The following EXOC3L1 variants were observed in gnomAD, a reference collection of about 807,000 sequenced individuals.
EXOC3L1 encodes exocyst complex component 3-like protein.
Under a neutral mutation model 83.6 loss-of-function variants are expected in EXOC3L1, and 79 were observed. That is an observed-to-expected ratio of 0.95 (90% CI 0.79 to 1.14). EXOC3L1 has a LOEUF of 1.14. Ranked by LOEUF, EXOC3L1 falls within the 50% of genes most tolerant of loss-of-function variation. The pLI is 0.00. For synonymous variants in EXOC3L1, 433 were observed against 451.2 expected (o/e 0.96, Z 0.51); for missense variants, 945 against 972.0 (o/e 0.97, Z 0.37).
chr16:67,189,295 G>A, intron 2 of EXOC3L1, 115 bp from the exon 3 acceptor site: 1 of 1,175,550 alleles, frequency 8.5e-7, no homozygotes, highest in Non-Finnish European at 1.1e-6. Flanking sequence ...TTTGTTTATT[G>A]AGATGGAGTC....
In EXOC3L1 at chr16:67,188,853, C is replaced by T. The variant is rs762561812; in HGVS notation, c.295G>A (p.Ala99Thr). Residue 99 changes from alanine to threonine, a missense_variant, in exon 4 of 14, where the codon GCC becomes ACC. Coordinates refer to ENST00000314586, the MANE Select transcript of EXOC3L1 (RefSeq NM_178516.4). ...AIEVVQGTRE[A>T]LSQARGLLQG... The stretch of plus-strand genomic sequence containing the variant: ...AGCAACCCACGGGCCTGGCTCAGGG[C>T]CTCCCGGGTTCCCTGCACCACCTCA... The T allele has an allele frequency of 3.1e-6, 5 of 1,613,128 alleles. No individual in the cohort carries two copies. The highest frequency in any genetic ancestry group is 1.6e-4 in the Middle Eastern group (1 of 6,084).
chr16:67,188,081 TAA>T (rs2032780200), intron 4 of EXOC3L1, among the ~76,000 whole-genome samples: 1 of 151,962 alleles, frequency 6.6e-6, no homozygotes, highest in African/African-American at 2.4e-5. Context: ...CCATCTCTAC[TAA>T]AAATACAAAA....
rs766175324 is a variant in EXOC3L1 at position 67,185,448 on chromosome 16, C to G, written c.1539G>C (p.Gly513=). Residue 513 remains glycine, a synonymous_variant, in exon 10 of 14, where the codon GGG becomes GGC. Transcript: ENST00000314586. The part of the protein sequence containing the change: ...SVLQLDGAPS[G]ALAPVEAALD... Reference sequence around the variant, plus strand: ...GCGCAGCTTCCACTGGAGCCAAGGCCCCTGAAGGCGCCCCGTCCAGCTGCA... The same window carrying G: ...GCGCAGCTTCCACTGGAGCCAAGGCGCCTGAAGGCGCCCCGTCCAGCTGCA... 1.2e-6 allele frequency: 2 copies of G among 1,611,200 alleles called. No individual in the cohort carries two copies. Among genetic ancestry groups the G allele is most frequent in the Admixed American group, 3.3e-5 (2 of 60,012 alleles).
chr16:67,186,888 G>C lies in EXOC3L1; in HGVS notation c.1159-4C>G, dbSNP rs1348762462. 5 of 1,613,524 alleles carry C rather than the reference G, an allele frequency of 3.1e-6. No individual in the cohort carries two copies. The highest frequency in any genetic ancestry group is 3.3e-4 in the Middle Eastern group (2 of 6,062). On this transcript the variant is annotated splice_region_variant and splice_polypyrimidine_tract_variant and intron_variant, in intron 6 of 13. Transcript: ENST00000314586. ...GCAGCCACTGAGACACACTTGCCTGGGGGGAGGGGCCAGGGGCAAAGGAAT... is the reference window on the plus strand; with the variant it reads ...GCAGCCACTGAGACACACTTGCCTGCGGGGAGGGGCCAGGGGCAAAGGAAT...
chr16:67,189,775 G>A, intron 1 of EXOC3L1, 92 bp from the exon 2 acceptor site: 1 of 1,300,990 alleles, frequency 7.7e-7, no homozygotes, highest in South Asian at 1.3e-5. Context: ...CTTCTGAGAG[G>A]AGGAAGGAGG....
At chr16:67,186,460 G>T in intron 8 of EXOC3L1, 97 bp downstream of exon 8, 1 of 1,447,554 alleles carries the variant, frequency 6.9e-7, no homozygotes, top group Non-Finnish European at 9.6e-7. Context: ...GTTTGAAAGA[G>T]CCCTTTCCCT....
In EXOC3L1 at chr16:67,187,437, C is replaced by T. The variant is rs138101611; in HGVS notation, c.828G>A (p.Leu276=). 4,244 of 1,610,420 alleles carry T rather than the reference C, an allele frequency of 2.6e-3. 10 individuals carry two copies. Among genetic ancestry groups the T allele is most frequent in the Non-Finnish European group, 3.3e-3 (3,908 of 1,179,766 alleles). ...CTGGCAGGGCCACTCGCAGAGCCTC[C>T]AGCCACCCTGGTAGGGCCCCTGGTG... The part of the protein sequence containing the change: ...LPAPGALPGW[L]EALRVALPVE... Residue 276 remains leucine (L), a synonymous_variant, in exon 5 of 14, where the codon CTG becomes CTA. Coordinates refer to ENST00000314586, the MANE Select transcript of EXOC3L1 (RefSeq NM_178516.4).
Position 67,186,231 on chromosome 16 carries a change from TG to T in EXOC3L1, c.1496+5del. ...AAGGTGGGGTTCCCTGGGGGCCTTC[TG>T]GTACCTGAGTGCTGACTTGTGGTTG... On this transcript the variant is annotated splice_donor_5th_base_variant and intron_variant, in intron 9 of 13. Coordinates refer to ENST00000314586, the MANE Select transcript of EXOC3L1 (RefSeq NM_178516.4). The T allele has an allele frequency of 6.4e-7, 1 of 1,561,254 alleles. No individual in the cohort carries two copies. The highest frequency in any genetic ancestry group is 2.4e-5 in the East Asian group (1 of 41,892).
At chr16:67,185,650 G>A (rs528943471) in intron 9 of EXOC3L1, 160 bp from the exon 10 acceptor site, 56 of 668,362 alleles carry the variant, frequency 8.4e-5, no homozygotes, top group Middle Eastern at 8.4e-4. Flanking sequence ...GACCAGGGCT[G>A]GGAGACGGGC....
At chr16:67,185,313 A>G (rs369051054) in intron 10 of EXOC3L1, 48 bp downstream of exon 10, 4 of 1,612,896 alleles carry the variant, frequency 2.5e-6, no homozygotes, top group Non-Finnish European at 3.4e-6. Flanking sequence ...ACGTAGCTGT[A>G]CCGCCACCTC....
chr16:67,184,950 C>T lies in EXOC3L1; in HGVS notation c.1857G>A (p.Glu619=), dbSNP rs764453867. 6.2e-7 allele frequency: 1 copy of T among 1,611,118 alleles called. No homozygotes were observed. The highest frequency in any genetic ancestry group is 1.1e-5 in the South Asian group (1 of 90,894). ...RGADERTQAA[E]RLRHDAAQLQ... ...GCTGGGCAGCATCGTGCCGCAGGCG[C>T]TCGGCCGCCTGGGTCCTCTCGTCGG... Residue 619 remains glutamate (E), a synonymous_variant, in exon 12 of 14, where the codon GAG becomes GAA. Coordinates refer to ENST00000314586, the MANE Select transcript of EXOC3L1 (RefSeq NM_178516.4).
At chr16:67,185,618 T>C in intron 9 of EXOC3L1, 128 bp from the exon 10 acceptor site, 1 of 847,736 alleles carries the variant, frequency 1.2e-6, no homozygotes, top group South Asian at 1.5e-5. Flanking sequence ...AGCGGCTCTC[T>C]GCACTTCTGG....
In EXOC3L1 at chr16:67,184,506, G is replaced by A; in HGVS notation, c.2129C>T (p.Ser710Leu). Residue 710 changes from serine (S) to leucine (L), a missense_variant, in exon 14 of 14, where the codon TCG becomes TTG. Physicochemically the swap from Ser to Leu is moderately radical, Grantham distance 145. Coordinates refer to ENST00000314586, the MANE Select transcript of EXOC3L1 (RefSeq NM_178516.4). ...GAGGACGCGGCGGCTCGCGCGGGGC[G>A]ACGGCGGCAGCGCAGCCTGCAGGGA... Reference protein sequence around the residue: ...LSSLQAALPPSPRASRRVLFS... With the variant: ...LSSLQAALPPLPRASRRVLFS... 1 of 1,518,984 alleles carries A rather than the reference G, an allele frequency of 6.6e-7. No individual in the cohort carries two copies. The highest frequency in any genetic ancestry group is 8.8e-7 in the Non-Finnish European group (1 of 1,141,104). The allele number at this position is 1,518,984 out of a possible 1,614,324, so 94.1% of individuals were successfully genotyped here. A position where few individuals can be genotyped will look rare whatever the true frequency, so the allele number is the denominator to read the frequency against.
chr16:67,188,781 G>C lies in EXOC3L1; in HGVS notation c.367C>G (p.Arg123Gly), dbSNP rs146438233. 1.1e-4 allele frequency: 174 copies of C among 1,613,034 alleles called. No individual in the cohort carries two copies. The African/African-American group carries it at 2.0e-3, about 18-fold the overall frequency. ...TGCAGTTGCTTGTGCTGGGCAACCC[G>C]CTCCCGTAGGGGCTCTAGAGTCTGT... ...ALQTLEPLRE[R>G]VAQHKQLQAL... Residue 123 changes from arginine (R) to glycine (G), a missense_variant, in exon 4 of 14, where the codon CGG (arginine) becomes GGG (glycine). Transcript: ENST00000314586.
In EXOC3L1 at chr16:67,184,430, C is replaced by T. The variant is rs1382024118; in HGVS notation, c.2205G>A (p.Ser735=). The change falls in exon 14 of 14, where the codon TCG becomes TCA. Residue 735 remains serine, a synonymous_variant. Transcript: ENST00000314586. ...PALAPASCLP[S]GSCARALLLA... The stretch of plus-strand genomic sequence containing the variant: ...GCAGCAGGGCTCGGGCGCAGGACCC[C>T]GAGGGCAGGCAGGAGGCCGGCGCGA... 6.5e-7 allele frequency: 1 copy of T among 1,531,546 alleles called. No homozygotes were observed. The highest frequency in any genetic ancestry group is 1.2e-5 in the South Asian group (1 of 83,828). 94.9% of individuals were successfully genotyped at this position (1,531,546 alleles called of 1,614,324 possible).
Position 67,185,152 on chromosome 16 carries a change from C to T in EXOC3L1, c.1733G>A (p.Arg578Gln), listed in dbSNP as rs1567683382. 1.9e-6 allele frequency: 3 copies of T among 1,613,328 alleles called. No individual in the cohort carries two copies. The highest frequency in any genetic ancestry group is 1.1e-5 in the South Asian group (1 of 91,084). Residue 578 changes from arginine (R) to glutamine (Q), a missense_variant, in exon 11 of 14, where the codon CGG becomes CAG. By Grantham distance (43) the Arg-to-Gln change is conservative. Coordinates refer to ENST00000314586, the MANE Select transcript of EXOC3L1 (RefSeq NM_178516.4). ...GRFCRDFWRV[R>Q]NPTVQLLLAE... ...CCAACCCACCTGAACCGTGGGGTTCCGCACGCGCCAGAAGTCCCGGCAGAA... is the reference window on the plus strand; with the variant it reads ...CCAACCCACCTGAACCGTGGGGTTCTGCACGCGCCAGAAGTCCCGGCAGAA...
chr16:67,189,809 TGA>T (rs1431246836), intron 1 of EXOC3L1, 126 bp from the exon 2 acceptor site: 3 of 941,340 alleles, frequency 3.2e-6, no homozygotes, highest in Non-Finnish European at 4.9e-6. Context: ...CCTCGGGAAG[TGA>T]GAGGGAGCGG....
In EXOC3L1 at chr16:67,187,030, G is replaced by A; in HGVS notation, c.1149C>T (p.Ala383=). 1 of 1,613,646 alleles carries A rather than the reference G, an allele frequency of 6.2e-7. No individual in the cohort carries two copies. The highest frequency in any genetic ancestry group is 8.5e-7 in the Non-Finnish European group (1 of 1,180,022). Residue 383 remains alanine (A), a synonymous_variant, in exon 6 of 14, where the codon GCC becomes GCT. Coordinates refer to ENST00000314586, the MANE Select transcript of EXOC3L1 (RefSeq NM_178516.4). ...NIEQLEATFV[A]NIQASVSQWL... is the part of the protein sequence containing the mutation. ...TGCCTCAACTACTCACCTGGATGTT[G>A]GCCACAAATGTTGCCTCCAGCTGCT...
Position 67,186,682 on chromosome 16 carries a change from C to T in EXOC3L1, c.1285-25G>A, listed in dbSNP as rs143287541. ...TCTGCAGGCAGAAATGAGCAGCCAT[C>T]GGCAAAGCCTCCCTCCTTCCTCTCC... On this transcript the variant is annotated intron_variant, in intron 7 of 13. Coordinates refer to ENST00000314586, the MANE Select transcript of EXOC3L1 (RefSeq NM_178516.4). 6.0e-5 allele frequency: 97 copies of T among 1,613,658 alleles called. 1 individual carries two copies. The East Asian group carries it at 1.9e-3, about 32-fold the overall frequency.
Sources: gnomAD v4.1 joint callset for allele counts (sites outside exome capture counted in the v4.1 genomes callset) on GRCh38, gnomAD v4.1.1 for gene constraint, MANE v1.5 for transcripts, NCBI Gene and HGNC (gene_info 2026-07-23, HGNC 2026-07-21) for gene names.